PCDHA4: variants seen among roughly 807,000 people sequenced by gnomAD.
The protein encoded by PCDHA4 is protocadherin alpha-4.
Under a neutral mutation model 61.4 loss-of-function variants are expected in PCDHA4, and 49 were observed. That is an observed-to-expected ratio of 0.80 (90% CI 0.63 to 1.01). The LOEUF (loss-of-function observed/expected upper bound fraction) is 1.01, where lower values mean the gene tolerates loss of function less well. Among genes scored for constraint, PCDHA4 ranks in the 50% least tolerant of loss-of-function variants. The pLI, the probability that PCDHA4 is intolerant of heterozygous loss-of-function variation, is 0.00. For synonymous variants in PCDHA4, 590 were observed against 550.3 expected (o/e 1.07, Z -1.01); for missense variants, 1,254 against 1,235.8 (o/e 1.01, Z -0.22).
chr5:141,001,764 G>A (rs1186356180), intron 3 of PCDHA4, among the ~76,000 whole-genome samples: 1 of 152,160 alleles, frequency 6.6e-6, no homozygotes, highest in East Asian at 1.9e-4. Context: ...GATGGCGGAT[G>A]GTTTTTGCCT....
intron 1 of PCDHA4, chr5:140,830,424 C>T (rs1771055440): frequency 6.2e-7 from 1 of 1,613,928 alleles, no homozygotes; most frequent in Non-Finnish European, 8.5e-7. Context: ...AGCCTTTCAC[C>T]TTGTCCTATT....
intron 1 of PCDHA4, chr5:140,863,482 A>C (rs2048042905): frequency 4.3e-6 from 2 of 466,950 alleles, no homozygotes; most frequent in East Asian, 1.2e-4. Context: ...TCGCCTCCCA[A>C]GGTCAACATT....
At chr5:140,870,900 C>T in intron 1 of PCDHA4, 1 of 1,613,956 alleles carries the variant, frequency 6.2e-7, no homozygotes, top group Non-Finnish European at 8.5e-7. Flanking sequence ...TGGATGCGGA[C>T]TCAGGCTACA....
intron 1 of PCDHA4, chr5:140,869,756 GA>G: frequency 6.2e-7 from 1 of 1,613,194 alleles, no homozygotes; most frequent in South Asian, 1.1e-5. Context: ...ACAGACGGGG[GA>G]AAACCAGAGC....
At chr5:140,920,638 G>T (rs1245142321) in intron 1 of PCDHA4, among the ~76,000 whole-genome samples, 2 of 152,114 alleles carry the variant, frequency 1.3e-5, no homozygotes, top group African/African-American at 4.8e-5. Flanking sequence ...AAGGTCAAGA[G>T]ATTGAGACCA....
rs934481202 is a variant in PCDHA4, at chr5:140,902,279, C to A, written c.2386-76670C>A. On this transcript the variant is annotated intron_variant, in intron 1 of 3. Coordinates refer to ENST00000530339, the MANE Select transcript of PCDHA4 (RefSeq NM_018907.4). ...TCTCGAACTCCTGGGCTCAAGCAATCCTCCTGCCTCAGCCTCCCAAAGTGC... is the reference window on the plus strand; with the variant it reads ...TCTCGAACTCCTGGGCTCAAGCAATACTCCTGCCTCAGCCTCCCAAAGTGC... Among the ~76,000 whole-genome samples the A allele has an allele frequency of 2.7e-5, 4 of 148,452 alleles. No individual in the cohort carries two copies. The Admixed American group carries it at 2.7e-4, about 10-fold the overall frequency.
chr5:140,819,959 T>C (rs971772781), intron 1 of PCDHA4, among the ~76,000 whole-genome samples: 3 of 152,026 alleles, frequency 2.0e-5, no homozygotes, highest in Non-Finnish European at 4.4e-5. Flanking sequence ...TAATATTTAC[T>C]TTTTTCAAAG....
chr5:140,869,175 G>A, intron 1 of PCDHA4: 1 of 1,613,976 alleles, frequency 6.2e-7, no homozygotes, highest in East Asian at 2.2e-5. Context: ...TCGAATTCTG[G>A]GAGGTGGGGA....
chr5:141,008,800 A>G (rs949324548), intron 3 of PCDHA4, among the ~76,000 whole-genome samples: 8 of 152,222 alleles, frequency 5.3e-5, no homozygotes, highest in Non-Finnish European at 1.2e-4. Flanking sequence ...TTATCTAAAC[A>G]AATAGGCTCA....
intron 1 of PCDHA4, among the ~76,000 whole-genome samples, chr5:140,890,775 C>T (rs1583027889): frequency 1.3e-5 from 2 of 152,158 alleles, no homozygotes; most frequent in East Asian, 3.9e-4. Context: ...TTTAAAACCC[C>T]ATAAGATATT....
At chr5:140,924,901 AAAAAT>A (rs10667761) in intron 1 of PCDHA4, among the ~76,000 whole-genome samples, 4,416 of 80,206 alleles carry the variant, frequency 0.055, 204 homozygotes, top group African/African-American at 0.16. Flanking sequence ...TCTCAAAAAA[AAAAAT>A]AAAATAAAAT....
chr5:140,829,978 C>A (rs2150179032), intron 1 of PCDHA4: 17 of 1,613,848 alleles, frequency 1.1e-5, no homozygotes, highest in African/African-American at 4.0e-5. Flanking sequence ...TGTACACGGG[C>A]GAGATCAGCA....
intron 1 of PCDHA4, chr5:140,867,238 T>C (rs2049839993): frequency 1.3e-5 from 2 of 152,118 alleles, no homozygotes; most frequent in African/African-American, 4.8e-5. Context: ...AATAAGGTGA[T>C]TGAGGATCTG....
At chr5:140,850,218 G>A (rs2150473987) in intron 1 of PCDHA4, 3 of 1,593,686 alleles carry the variant, frequency 1.9e-6, no homozygotes, top group African/African-American at 1.3e-5. Flanking sequence ...GGGCACTGAC[G>A]GCGCAGTGAG....
In PCDHA4 at chr5:141,010,806, C is replaced by T. The variant is rs1404036886; in HGVS notation, c.*869C>T. ...GCAAAAGCAAAAGAAAACCCCGACA[C>T]CTCACCTTTCGCTGTTTGTTGTTTC... On this transcript the variant is annotated 3_prime_UTR_variant, in exon 4 of 4. Transcript: ENST00000530339. 2 of 153,736 alleles carry T rather than the reference C, an allele frequency of 1.3e-5. No individual in the cohort carries two copies. Among genetic ancestry groups the T allele is most frequent in the Non-Finnish European group, 1.5e-5 (1 of 68,048 alleles). 9.5% of individuals were successfully genotyped at this position (153,736 alleles called of 1,614,324 possible).
intron 1 of PCDHA4, chr5:140,876,229 GA>G: frequency 1.9e-6 from 3 of 1,613,978 alleles, no homozygotes; most frequent in Non-Finnish European, 2.5e-6. Context: ...AGTGTTGTCT[GA>G]AAATGTCCAA....
intron 1 of PCDHA4, among the ~76,000 whole-genome samples, chr5:140,827,159 G>T (rs13181143): frequency 0.48 from 72,226 of 151,928 alleles, 17,745 homozygotes; most frequent in Middle Eastern, 0.61. Context: ...ATATGGATTT[G>T]TAAATACCTC....
rs1562773759 is a variant in PCDHA4 at position 140,882,388 on chromosome 5, A to G, written c.2385+72816A>G. 2.5e-6 allele frequency: 4 copies of G among 1,614,158 alleles called. No individual in the cohort carries two copies. The African/African-American group carries it at 4.0e-5, about 16-fold the overall frequency. Reference sequence around the variant, plus strand: ...ACTACTCCGTCCCCGAGGAAGCAAAACACGGCACCTTCGTGGGCCGCATCG... The same window carrying G: ...ACTACTCCGTCCCCGAGGAAGCAAAGCACGGCACCTTCGTGGGCCGCATCG... On this transcript the variant is annotated intron_variant, in intron 1 of 3. Transcript: ENST00000530339.
chr5:140,852,133 A>G, intron 1 of PCDHA4: 1 of 888,968 alleles, frequency 1.1e-6, no homozygotes, highest in Non-Finnish European at 1.4e-6. Context: ...AAAACTCAGT[A>G]GAGAAAGATC....
Sources: gnomAD v4.1 joint callset for allele counts (sites outside exome capture counted in the v4.1 genomes callset) on GRCh38, gnomAD v4.1.1 for gene constraint, MANE v1.5 for transcripts, NCBI Gene and HGNC (gene_info 2026-07-23, HGNC 2026-07-21) for gene names.